Variants in METTL3 observed in about 807,000 individuals in gnomAD.
METTL3 encodes the protein methyltransferase 3, N6-adenosine-methyltransferase complex catalytic subunit, also known as N(6)-adenosine-methyltransferase catalytic subunit METTL3.
A neutral mutation model predicts 64.3 loss-of-function variants in METTL3; 42 were observed. That is an observed-to-expected ratio of 0.65 (90% CI 0.51 to 0.84). METTL3 has a LOEUF of 0.84. Ranked by LOEUF, METTL3 falls within the 40% of genes least tolerant of loss-of-function variation. The pLI, the probability that METTL3 is intolerant of heterozygous loss-of-function variation, is 0.00. For synonymous variants in METTL3, 256 were observed against 263.6 expected (o/e 0.97, Z 0.28); for missense variants, 435 against 722.3 (o/e 0.60, Z 4.56).
chr14:21,509,233 G>C (rs1198006251), intron 1 of METTL3, among the ~76,000 whole-genome samples: 1 of 152,110 alleles, frequency 6.6e-6, no homozygotes, highest in Non-Finnish European at 1.5e-5. Context: ...CCAGCTACTT[G>C]AGAGGCTGAA....
At chr14:21,501,952 GCT>G (rs1891578886) in intron 3 of METTL3, 49 bp from the exon 4 acceptor site, 2 of 1,545,906 alleles carry the variant, frequency 1.3e-6, no homozygotes, top group South Asian at 1.2e-5. Context: ...GATCAAATTG[GCT>G]CTTAGACCAA....
intron 1 of METTL3, among the ~76,000 whole-genome samples, chr14:21,506,672 C>T (rs1337292372): frequency 6.6e-6 from 1 of 152,182 alleles, no homozygotes; most frequent in Non-Finnish European, 1.5e-5. Context: ...AACGCCCACC[C>T]ATGGATGAAT....
chr14:21,503,777 C>A lies in METTL3; in HGVS notation c.205G>T (p.Val69Phe). Residue 69 changes from valine to phenylalanine, a missense_variant, in exon 2 of 11, where the codon GTT becomes TTT. By Grantham distance (50) the Val-to-Phe change is conservative. This residue lies in a region of METTL3 where 228 missense variants were observed against 279.6 expected (regional missense o/e 0.82). Transcript: ENST00000298717. ...TCAGGATCTGTAGCTAATTCAGGAA[C>A]TGCTGAAGCTGTGCTGGGCTTAGGG... ...GGPKPSTASA[V>F]PELATDPELE... 6.2e-7 allele frequency: 1 copy of A among 1,614,240 alleles called. No homozygotes were observed. The highest frequency in any genetic ancestry group is 8.5e-7 in the Non-Finnish European group (1 of 1,180,050).
intron 1 of METTL3, among the ~76,000 whole-genome samples, chr14:21,506,168 ACC>A (rs961609649): frequency 5.3e-5 from 8 of 152,018 alleles, no homozygotes; most frequent in African/African-American, 1.7e-4. Flanking sequence ...GATATATAAC[ACC>A]CATTAGGATG....
rs148679678 is a variant in METTL3, at chr14:21,507,435, G to A, written c.101-3554C>T. Reference sequence around the variant, plus strand: ...AGCAATTTGAGAGGCCGAGATGGGCGGATCACGAGGTCAGGAGATCGAGAC... The same window carrying A: ...AGCAATTTGAGAGGCCGAGATGGGCAGATCACGAGGTCAGGAGATCGAGAC... On this transcript the variant is annotated intron_variant, in intron 1 of 10. Transcript: ENST00000298717. Among the ~76,000 whole-genome samples the A allele has an allele frequency of 3.0e-3, 461 of 152,122 alleles. 1 individual carries two copies. Among genetic ancestry groups the A allele is most frequent in the African/African-American group, 0.011 (448 of 41,494 alleles).
chr14:21,503,800 G>A lies in METTL3; in HGVS notation c.182C>T (p.Pro61Leu). Residue 61 changes from proline to leucine, a missense_variant, in exon 2 of 11, where the codon CCT (proline) becomes CTT (leucine). By Grantham distance (98) the Pro-to-Leu change is moderately conservative. Around this residue, in one of 9 missense-constraint regions of METTL3, gnomAD observed 228 missense variants for 279.6 expected, o/e 0.82. Transcript: ENST00000298717. Reference sequence around the variant, plus strand: ...AACTGCTGAAGCTGTGCTGGGCTTAGGGCCACCAGAGGTGGGTGCAGTAGG... The same window carrying A: ...AACTGCTGAAGCTGTGCTGGGCTTAAGGCCACCAGAGGTGGGTGCAGTAGG... The part of the protein sequence containing the change: ...PVPTAPTSGG[P>L]KPSTASAVPE... 7.4e-6 allele frequency: 12 copies of A among 1,614,214 alleles called. No individual in the cohort carries two copies. Among genetic ancestry groups the A allele is most frequent in the Non-Finnish European group, 1.0e-5 (12 of 1,180,046 alleles).
chr14:21,502,407 C>T, intron 3 of METTL3: 1 of 155,184 alleles, frequency 6.4e-6, no homozygotes, highest in Non-Finnish European at 1.4e-5. Context: ...CACAAATATG[C>T]ATTTGGGATG....
intron 1 of METTL3, chr14:21,504,984 C>T (rs1891663399): frequency 6.6e-6 from 1 of 151,836 alleles, no homozygotes; most frequent in Non-Finnish European, 1.5e-5. Flanking sequence ...AAATTTTCCA[C>T]TCTAATGGAA....
Position 21,500,651 on chromosome 14 carries a change from A to G in METTL3, c.1148T>C (p.Val383Ala). 1.2e-6 allele frequency: 2 copies of G among 1,614,034 alleles called. No individual in the cohort carries two copies. The highest frequency in any genetic ancestry group is 1.7e-6 in the Non-Finnish European group (2 of 1,179,964). ...WICCDIRYLDVSILGKFAVVM... is the reference protein window; with the variant it reads ...WICCDIRYLDASILGKFAVVM... ...AACTGCAAACTTGCCCAAGATACTG[A>G]CGTCCAGGTAGCGGATATCACAACA... The change falls in exon 6 of 11, where the codon GTC (valine) becomes GCC (alanine). Residue 383 changes from valine (V) to alanine (A), a missense_variant. Transcript: ENST00000298717.
At position 21,507,638 on chromosome 14, in the gene METTL3, G is replaced by C. The variant is rs1025375662; in HGVS notation, c.100+3486C>G. On this transcript the variant is annotated intron_variant, in intron 1 of 10. Transcript: ENST00000298717. ...AGATCGCGCCACTGCATTCCAGCCT[G>C]GGCAACAGATGTGGTAGGCAAATTT... The C allele has an allele frequency of 3.9e-5, 6 of 152,184 alleles. No individual in the cohort carries two copies. In the East Asian group the frequency reaches 1.2e-3, roughly 29 times the overall value. The allele number at this position is 152,184 out of a possible 1,614,324, so 9.4% of individuals were successfully genotyped here.
chr14:21,511,087 C>A, intron 1 of METTL3, 37 bp downstream of exon 1: 3 of 1,607,230 alleles, frequency 1.9e-6, no homozygotes, highest in Non-Finnish European at 2.5e-6. Context: ...CCCGTCCTCC[C>A]CGGTTGAGCC....
Position 21,500,369 on chromosome 14 carries a change from AAG to A in METTL3, c.1304+124_1304+125del, listed in dbSNP as rs1491188961. ...ACACAGTGAGACTCTCTCAAAAAAA[AAG>A]AAAAAAAGACTAAATCAGTCATACA... On this transcript the variant is annotated intron_variant, in intron 6 of 10. Coordinates refer to ENST00000298717, the MANE Select transcript of METTL3 (RefSeq NM_019852.5). 6,875 of 734,672 alleles carry A rather than the reference AAG, an allele frequency of 9.4e-3. 37 individuals carry two copies. Among genetic ancestry groups the A allele is most frequent in the African/African-American group, 0.05 (2,583 of 51,430 alleles). The allele number at this position is 734,672 out of a possible 1,614,324, so 45.5% of individuals were successfully genotyped here. A position where few individuals can be genotyped will look rare whatever the true frequency, so the allele number is the denominator to read the frequency against.
chr14:21,506,767 A>T (rs1205530011), intron 1 of METTL3, among the ~76,000 whole-genome samples: 1 of 152,146 alleles, frequency 6.6e-6, no homozygotes, highest in Non-Finnish European at 1.5e-5. Flanking sequence ...TATGCCTGTA[A>T]TCCCAGCACT....
At chr14:21,499,425 C>G in intron 8 of METTL3, 54 bp from the exon 9 acceptor site, 1 of 1,612,008 alleles carries the variant, frequency 6.2e-7, no homozygotes, top group Non-Finnish European at 8.5e-7. Context: ...TGAACTTTTT[C>G]TCAGTAAGAA....
intron 1 of METTL3, 24 bp from the exon 2 acceptor site, chr14:21,503,905 TG>T: frequency 6.2e-7 from 1 of 1,601,076 alleles, no homozygotes; most frequent in South Asian, 1.1e-5. Flanking sequence ...GAAGTGAAAA[TG>T]AAAAAAGGCA....
chr14:21,507,080 C>T (rs746667042), intron 1 of METTL3, among the ~76,000 whole-genome samples: 9 of 152,002 alleles, frequency 5.9e-5, no homozygotes, highest in Non-Finnish European at 1.3e-4. Flanking sequence ...ACTCGGGAGG[C>T]TGAGGCAGGA....
intron 1 of METTL3, among the ~76,000 whole-genome samples, chr14:21,505,944 C>T (rs1050642355): frequency 6.6e-6 from 1 of 152,156 alleles, no homozygotes; most frequent in African/African-American, 2.4e-5. Context: ...AATCCTTAAA[C>T]GTGTCAACAT....
intron 1 of METTL3, 168 bp downstream of exon 1, chr14:21,510,956 C>T (rs140553326): frequency 7.8e-5 from 58 of 743,116 alleles, no homozygotes; most frequent in Non-Finnish European, 1.1e-4. Flanking sequence ...CCGCGAACTA[C>T]TTGCAGAAGG....
At chr14:21,502,859 A>T in intron 3 of METTL3, 1 of 259,784 alleles carries the variant, frequency 3.8e-6, no homozygotes. Context: ...TCTAAATAAG[A>T]ATTTGTCGAC....
Sources: gnomAD v4.1 joint callset for allele counts (sites outside exome capture counted in the v4.1 genomes callset) on GRCh38, gnomAD v4.1.1 for gene constraint, gnomAD v4.1.1 regional missense constraint, MANE v1.5 for transcripts, NCBI Gene and HGNC (gene_info 2026-07-23, HGNC 2026-07-21) for gene names.